KLRG1: variants seen among roughly 807,000 people sequenced by gnomAD.
The protein encoded by KLRG1 is killer cell lectin like receptor G1.
In KLRG1, 16 loss-of-function variants were observed where a neutral mutation model predicts 21.8. That is an observed-to-expected ratio of 0.73 (90% CI 0.50 to 1.11). The LOEUF (loss-of-function observed/expected upper bound fraction) is 1.11. KLRG1 is among the 50% of genes most tolerant of loss of function. KLRG1 has a pLI of 0.00. For synonymous variants in KLRG1, 69 were observed against 75.9 expected (o/e 0.91, Z 0.47); for missense variants, 173 against 218.3 (o/e 0.79, Z 1.31).
chr12:9,101,680 GAA>G, the KLRG1 span: 19 of 1,587,084 alleles, frequency 1.2e-5, 1 homozygote, highest in South Asian at 2.2e-4. Context: ...TTGACCTAAT[GAA>G]TTAGAAAAAT....
chr12:9,077,808 A>G, the KLRG1 span: 1 of 1,614,190 alleles, frequency 6.2e-7, no homozygotes, highest in Non-Finnish European at 8.5e-7. Context: ...TCATCGATGA[A>G]GATGTAGGCT....
the KLRG1 span, chr12:9,080,227 C>G: frequency 1.7e-4 from 218 of 1,278,320 alleles, 3 homozygotes; most frequent in African/African-American, 2.9e-3. Flanking sequence ...TGCATTATAT[C>G]TTTCTAAACA....
At chr12:9,034,710 G>T in the KLRG1 span, among the ~76,000 whole-genome samples, 1 of 152,214 alleles carries the variant, frequency 6.6e-6, no homozygotes, top group Non-Finnish European at 1.5e-5. Flanking sequence ...GCCTCCCAAA[G>T]TGTTGGGATT....
intron 1 of KLRG1, among the ~76,000 whole-genome samples, chr12:8,958,262 C>T (rs1250916647): frequency 6.6e-6 from 1 of 151,970 alleles, no homozygotes; most frequent in African/African-American, 2.4e-5. Flanking sequence ...TTTTTTTCCC[C>T]ATATGGATAT....
At chr12:8,955,089 A>G (rs202060094) in intron 1 of KLRG1, among the ~76,000 whole-genome samples, 8 of 151,660 alleles carry the variant, frequency 5.3e-5, no homozygotes, top group Admixed American at 2.0e-4. Flanking sequence ...GCTAATTTTT[A>G]TATTTTTAGT....
At chr12:8,992,713 T>A (rs1002726721) in intron 2 of KLRG1, among the ~76,000 whole-genome samples, 2 of 151,768 alleles carry the variant, frequency 1.3e-5, no homozygotes, top group African/African-American at 4.8e-5. Context: ...TTATTATTTT[T>A]TTTTTTTTGT....
chr12:9,168,996 A>T, the KLRG1 span: 1 of 1,527,698 alleles, frequency 6.5e-7, no homozygotes, highest in Middle Eastern at 1.7e-4. Flanking sequence ...TAATTGTTCA[A>T]TCTACTTGTA....
chr12:9,016,177 A>T, the KLRG1 span, among the ~76,000 whole-genome samples: 1 of 152,144 alleles, frequency 6.6e-6, no homozygotes, highest in African/African-American at 2.4e-5. Flanking sequence ...AGTAAATGAA[A>T]TTGACATGAA....
chr12:9,163,902 AG>A, the KLRG1 span: 1 of 1,364,420 alleles, frequency 7.3e-7, no homozygotes, highest in African/African-American at 1.5e-5. Flanking sequence ...CTAAAAAAAA[AG>A]AAACCCACAA....
At chr12:8,984,994 T>C (rs1946819473), upstream of KLRG1, among the ~76,000 whole-genome samples, 1 of 152,206 alleles carries the variant, frequency 6.6e-6, no homozygotes, top group South Asian at 2.1e-4. Flanking sequence ...AATGTTAGCA[T>C]CTTAAAAAAT....
chr12:9,201,090 A>G, the KLRG1 span: 1 of 1,612,144 alleles, frequency 6.2e-7, no homozygotes, highest in Non-Finnish European at 8.5e-7. Flanking sequence ...ATGGGCGGTA[A>G]TCATTTAGTC....
the KLRG1 span, among the ~76,000 whole-genome samples, chr12:9,131,902 C>T: frequency 6.6e-6 from 1 of 151,828 alleles, no homozygotes; most frequent in Non-Finnish European, 1.5e-5. Context: ...GGCTAAACTA[C>T]CCACAACATC....
At chr12:9,069,749 T>C in the KLRG1 span, 1 of 1,610,834 alleles carries the variant, frequency 6.2e-7, no homozygotes, top group Admixed American at 1.7e-5. Flanking sequence ...TCTTACCTTA[T>C]CAAGGTAAAT....
chr12:9,129,965 T>C, the KLRG1 span, among the ~76,000 whole-genome samples: 1 of 152,226 alleles, frequency 6.6e-6, no homozygotes, highest in Non-Finnish European at 1.5e-5. Context: ...AACAACCTAT[T>C]AAACACTTCC....
chr12:9,126,811 G>A, the KLRG1 span, among the ~76,000 whole-genome samples: 1 of 152,272 alleles, frequency 6.6e-6, no homozygotes, highest in African/African-American at 2.4e-5. Flanking sequence ...CAGTGAGGAC[G>A]CCTTAATTTT....
At chr12:9,079,166 G>T in the KLRG1 span, 3 of 1,082,394 alleles carry the variant, frequency 2.8e-6, no homozygotes, top group South Asian at 1.4e-5. Context: ...TGATAGTGTT[G>T]CTGTGAATAT....
the KLRG1 span, chr12:9,104,429 T>A: frequency 1.3e-6 from 2 of 1,558,342 alleles, no homozygotes; most frequent in Non-Finnish European, 1.7e-6. Context: ...GGATTAGTTA[T>A]ATTGGTAATA....
At chr12:8,951,373 G>T (rs1174417980) in intron 1 of KLRG1, among the ~76,000 whole-genome samples, 8 of 152,158 alleles carry the variant, frequency 5.3e-5, no homozygotes, top group Admixed American at 5.2e-4. Flanking sequence ...GGAGCCTGAG[G>T]CTGGAAGATT....
chr12:9,106,149 C>A, the KLRG1 span: 1 of 737,884 alleles, frequency 1.4e-6, no homozygotes, highest in Non-Finnish European at 2.3e-6. Context: ...ATAACATTAA[C>A]CAGGCATGGT....
Sources: gnomAD v4.1 joint callset for allele counts (sites outside exome capture counted in the v4.1 genomes callset) on GRCh38, gnomAD v4.1.1 for gene constraint, MANE v1.5 for transcripts, NCBI Gene and HGNC (gene_info 2026-07-23, HGNC 2026-07-21) for gene names.